The following CRACDL variants were observed in gnomAD, a reference collection of about 807,000 sequenced individuals.
CRACDL encodes the protein CRACD-like protein.
CRACDL carries 26 observed loss-of-function variants against 70.6 expected under a neutral mutation model. That is an observed-to-expected ratio of 0.37 (90% CI 0.27 to 0.51). The LOEUF is 0.51. Ranked by LOEUF, CRACDL falls within the 20% of genes least tolerant of loss-of-function variation. CRACDL has a pLI of 0.94. For missense variants in CRACDL, 1,283 were observed against 1,376.9 expected (o/e 0.93, Z 1.08); for synonymous variants, 618 against 615.2 (o/e 1.00, Z -0.07).
At position 98,872,537 on chromosome 2, in the gene CRACDL, G is replaced by A. The variant is rs369665100; in HGVS notation, c.-10-25727C>T. On this transcript the variant is annotated intron_variant, in intron 1 of 9. Transcript: ENST00000397899. ...TGGGAACACTAGAAGCCCAAACCTC[G>A]CCATTATATTATAAAATATATCCAT... is the stretch of plus-strand genomic sequence containing the variant. 4.5e-4 allele frequency among the ~76,000 whole-genome samples: 68 copies of A among 152,202 alleles called. 2 individuals carry two copies. Among genetic ancestry groups the A allele is most frequent in the African/African-American group, 1.5e-3 (63 of 41,530 alleles).
At chr2:98,881,813 G>C (rs905345229) in intron 1 of CRACDL, among the ~76,000 whole-genome samples, 1 of 152,172 alleles carries the variant, frequency 6.6e-6, no homozygotes, top group African/African-American at 2.4e-5. Context: ...GCGGGGAGAG[G>C]AGGGAGTCTC....
At chr2:98,795,045 A>ATAAAAATT (rs1435667448) in intron 9 of CRACDL, among the ~76,000 whole-genome samples, 1,260 of 13,676 alleles carry the variant, frequency 0.092, 360 homozygotes, top group South Asian at 0.23. Context: ...TTAAAAATAT[A>ATAAAAATT]TATATATATA....
At chr2:98,837,538 C>T (rs944117838) in intron 3 of CRACDL, among the ~76,000 whole-genome samples, 12 of 152,208 alleles carry the variant, frequency 7.9e-5, no homozygotes, top group African/African-American at 2.9e-4. Flanking sequence ...AGAATAACTG[C>T]AGCATATGTA....
At chr2:98,817,422 G>C (rs1361084384) in intron 7 of CRACDL, among the ~76,000 whole-genome samples, 1 of 152,124 alleles carries the variant, frequency 6.6e-6, no homozygotes, top group Non-Finnish European at 1.5e-5. Flanking sequence ...TTAGCATGAT[G>C]CCAATAAAAC....
Position 98,869,341 on chromosome 2 carries a change from G to A in CRACDL, c.-10-22531C>T, listed in dbSNP as rs896947644. The A allele has an allele frequency of 2.2e-5, 25 of 1,113,664 alleles. No homozygotes were observed. The African/African-American group carries it at 3.1e-4, about 14-fold the overall frequency. 69.0% of individuals were successfully genotyped at this position (1,113,664 alleles called of 1,614,324 possible). On this transcript the variant is annotated intron_variant, in intron 1 of 9. Transcript: ENST00000397899. ...CCTGTGCCCCGTGAGCTCCTTGGGC[G>A]GGTGCACAGGCACACAGCAGAAAAG...
At chr2:98,907,107 C>T (rs1417001061) in intron 1 of CRACDL, among the ~76,000 whole-genome samples, 1 of 152,052 alleles carries the variant, frequency 6.6e-6, no homozygotes, top group African/African-American at 2.4e-5. Context: ...GCCTGGCCAA[C>T]ATGGTGAAAC....
At chr2:98,891,641 T>G (rs574838244) in intron 1 of CRACDL, among the ~76,000 whole-genome samples, 1 of 152,180 alleles carries the variant, frequency 6.6e-6, no homozygotes, top group African/African-American at 2.4e-5. Flanking sequence ...CTGGATATTT[T>G]TTTTCTTTCT....
intron 1 of CRACDL, among the ~76,000 whole-genome samples, chr2:98,894,948 C>G (rs756896344): frequency 2.0e-5 from 3 of 152,016 alleles, no homozygotes; most frequent in Non-Finnish European, 4.4e-5. Context: ...TTTACAAACA[C>G]AAAAAATTAA....
rs1705141874 is a variant in CRACDL at position 98,822,937 on chromosome 2, G to A, written c.1336C>T (p.Leu446Phe). The change falls in exon 7 of 10, where the codon CTC becomes TTC. Residue 446 changes from leucine to phenylalanine, a missense_variant. Coordinates refer to ENST00000397899, the MANE Select transcript of CRACDL (RefSeq NM_207362.3). This position sits in a 1 kb window ranked among gnomAD's most constrained non-coding sequence, Gnocchi z 4.9. ...GGGGGCCCCTTCTCCTCATCCGGGA[G>A]CACGGGCGGCGTCGGCTCCGCTTCC... is the stretch of plus-strand genomic sequence containing the variant. ...PKEAEPTPPV[L>F]PDEEKGPPGP... is the part of the protein sequence containing the mutation. 1 of 1,462,092 alleles carries A rather than the reference G, an allele frequency of 6.8e-7. No homozygotes were observed. The allele number at this position is 1,462,092 out of a possible 1,614,324, so 90.6% of individuals were successfully genotyped here.
intron 1 of CRACDL, among the ~76,000 whole-genome samples, chr2:98,911,825 C>T (rs1271452229): frequency 6.6e-6 from 1 of 152,068 alleles, no homozygotes; most frequent in Non-Finnish European, 1.5e-5. Flanking sequence ...CCCACGGAAA[C>T]CCCAAACGTA....
intron 1 of CRACDL, among the ~76,000 whole-genome samples, chr2:98,884,278 C>G (rs544373019): frequency 3.3e-5 from 5 of 152,360 alleles, no homozygotes; most frequent in African/African-American, 1.2e-4. Flanking sequence ...GCCTGCACAG[C>G]TCACACAGCC....
At chr2:98,799,976 TTC>T (rs1297323576) in intron 7 of CRACDL, among the ~76,000 whole-genome samples, 1 of 152,190 alleles carries the variant, frequency 6.6e-6, no homozygotes, top group African/African-American at 2.4e-5. Context: ...CCTCCCAGCA[TTC>T]TCTCTTCTAC....
At chr2:98,801,821 A>G (rs1329309942) in intron 7 of CRACDL, among the ~76,000 whole-genome samples, 1 of 152,144 alleles carries the variant, frequency 6.6e-6, no homozygotes, top group East Asian at 1.9e-4. Context: ...GAAAGCCCTT[A>G]GTGGTGTTAG....
At chr2:98,796,809 A>G (rs1044687664) in intron 8 of CRACDL, among the ~76,000 whole-genome samples, 2 of 152,140 alleles carry the variant, frequency 1.3e-5, no homozygotes, top group Non-Finnish European at 2.9e-5. Flanking sequence ...GATTCTAGGC[A>G]TAGTTGTTTG....
At chr2:98,893,336 T>C (rs1573157891) in intron 1 of CRACDL, among the ~76,000 whole-genome samples, 1 of 151,918 alleles carries the variant, frequency 6.6e-6, no homozygotes, top group African/African-American at 2.4e-5. Flanking sequence ...CAGGCTGGAG[T>C]GCAGTGATGC....
intron 1 of CRACDL, among the ~76,000 whole-genome samples, chr2:98,883,171 T>A (rs866904819): frequency 6.6e-5 from 10 of 152,256 alleles, no homozygotes; most frequent in South Asian, 4.1e-4. Context: ...AGCCTTTGGA[T>A]GTCTCATACA....
intron 1 of CRACDL, among the ~76,000 whole-genome samples, chr2:98,856,658 G>A (rs1215977446): frequency 1.3e-5 from 2 of 152,174 alleles, no homozygotes; most frequent in East Asian, 1.9e-4. Flanking sequence ...GGACTATAAT[G>A]TATAGCAATG....
At chr2:98,821,488 T>G (rs1705024365) in intron 7 of CRACDL, among the ~76,000 whole-genome samples, 2 of 152,196 alleles carry the variant, frequency 1.3e-5, no homozygotes, top group Non-Finnish European at 2.9e-5. Flanking sequence ...TATTCCTTAC[T>G]CTAGATTAGG....
At chr2:98,861,679 C>G (rs190484538) in intron 1 of CRACDL, among the ~76,000 whole-genome samples, 204 of 152,254 alleles carry the variant, frequency 1.3e-3, no homozygotes, top group Non-Finnish European at 2.5e-3. Context: ...TCTGCTAGTG[C>G]AATTGCACTA....
Sources: allele counts gnomAD v4.1 joint callset (sites outside exome capture counted in the v4.1 genomes callset), GRCh38; gene constraint gnomAD v4.1.1; non-coding constraint Gnocchi (gnomAD v3.1); transcripts MANE v1.5; gene names NCBI Gene and HGNC (gene_info 2026-07-23, HGNC 2026-07-21).